The following QTMAN variants were observed in gnomAD, a reference collection of about 807,000 sequenced individuals.
QTMAN encodes queuosine-tRNA mannosyltransferase.
chr2:143,996,537 T>C, the QTMAN span, among the ~76,000 whole-genome samples: 5 of 152,130 alleles, frequency 3.3e-5, no homozygotes, highest in African/African-American at 1.2e-4. Flanking sequence ...AAACTGTTCT[T>C]GTTAAAATCA....
At chr2:144,237,440 T>C in the QTMAN span, 2 of 152,164 alleles carry the variant, frequency 1.3e-5, no homozygotes, top group African/African-American at 2.4e-5. Flanking sequence ...GATTGAATGA[T>C]AATGTTACGA....
the QTMAN span, among the ~76,000 whole-genome samples, chr2:143,992,714 A>AT: frequency 6.6e-6 from 1 of 152,172 alleles, no homozygotes; most frequent in African/African-American, 2.4e-5. Context: ...ACTAAAAGCA[A>AT]TTCTTAAGGA....
At chr2:144,199,778 G>A in the QTMAN span, among the ~76,000 whole-genome samples, 5 of 152,134 alleles carry the variant, frequency 3.3e-5, no homozygotes, top group African/African-American at 1.2e-4. Context: ...TGATCTTGAT[G>A]TTAATTCTTT....
chr2:144,022,275 C>T, the QTMAN span, among the ~76,000 whole-genome samples: 3 of 151,532 alleles, frequency 2.0e-5, no homozygotes, highest in African/African-American at 7.3e-5. Flanking sequence ...ATATCTCTTT[C>T]CTATTTTCTT....
chr2:144,298,974 G>A, the QTMAN span, among the ~76,000 whole-genome samples: 1 of 152,230 alleles, frequency 6.6e-6, no homozygotes, highest in Non-Finnish European at 1.5e-5. Context: ...TTACTGCTGG[G>A]ATCTTCTTGC....
chr2:144,292,648 C>CA, the QTMAN span, among the ~76,000 whole-genome samples: 4 of 151,908 alleles, frequency 2.6e-5, no homozygotes, highest in African/African-American at 9.7e-5. Flanking sequence ...AAATTTATCC[C>CA]AAAAAATTTA....
At chr2:144,152,923 T>C in the QTMAN span, among the ~76,000 whole-genome samples, 2 of 152,160 alleles carry the variant, frequency 1.3e-5, no homozygotes, top group African/African-American at 4.8e-5. Context: ...TGATTACGAA[T>C]GAAGGCAGAG....
chr2:144,274,684 A>G, the QTMAN span, among the ~76,000 whole-genome samples: 17 of 152,316 alleles, frequency 1.1e-4, no homozygotes, highest in South Asian at 2.5e-3. Context: ...GACTTGTCCT[A>G]TGCATCTCTT....
At chr2:144,219,427 G>A in the QTMAN span, among the ~76,000 whole-genome samples, 4 of 151,998 alleles carry the variant, frequency 2.6e-5, no homozygotes, top group East Asian at 1.9e-4. Flanking sequence ...CACTGTGCCC[G>A]GCCTACAGTA....
At chr2:143,948,311 T>C in the QTMAN span, among the ~76,000 whole-genome samples, 1 of 152,104 alleles carries the variant, frequency 6.6e-6, no homozygotes, top group Non-Finnish European at 1.5e-5. Context: ...TTCCAAATAA[T>C]AGAAGATTAT....
chr2:144,302,142 G>A, the QTMAN span, among the ~76,000 whole-genome samples: 1 of 151,852 alleles, frequency 6.6e-6, no homozygotes, highest in African/African-American at 2.4e-5. Flanking sequence ...TCCACACTTA[G>A]GGCATACAGA....
At chr2:144,151,307 C>T in the QTMAN span, among the ~76,000 whole-genome samples, 1 of 152,056 alleles carries the variant, frequency 6.6e-6, no homozygotes. Context: ...ATATCTCCAA[C>T]TAGGGCATGA....
chr2:143,969,854 G>GTC, the QTMAN span, among the ~76,000 whole-genome samples: 1 of 152,160 alleles, frequency 6.6e-6, no homozygotes, highest in East Asian at 1.9e-4. Flanking sequence ...TCTTGACACT[G>GTC]TACTAGAATC....
At chr2:144,189,890 G>A in the QTMAN span, among the ~76,000 whole-genome samples, 4 of 152,078 alleles carry the variant, frequency 2.6e-5, no homozygotes, top group Admixed American at 1.3e-4. Flanking sequence ...CCAAAGTGCT[G>A]GGATTACAGG....
At chr2:144,090,252 TA>T in the QTMAN span, among the ~76,000 whole-genome samples, 1 of 152,066 alleles carries the variant, frequency 6.6e-6, no homozygotes, top group Non-Finnish European at 1.5e-5. Context: ...ATCTAAGCCC[TA>T]ATGTCATGCT....
the QTMAN span, among the ~76,000 whole-genome samples, chr2:144,311,326 A>C: frequency 7.9e-5 from 12 of 152,208 alleles, no homozygotes; most frequent in Non-Finnish European, 1.6e-4. Flanking sequence ...TACTGTTTTA[A>C]ATCAGGGAAA....
At chr2:144,293,717 T>G in the QTMAN span, among the ~76,000 whole-genome samples, 1 of 152,244 alleles carries the variant, frequency 6.6e-6, no homozygotes, top group Non-Finnish European at 1.5e-5. Context: ...TTATCTCATA[T>G]TTTAAAATAC....
chr2:144,311,565 A>C, the QTMAN span, among the ~76,000 whole-genome samples: 1 of 152,260 alleles, frequency 6.6e-6, no homozygotes, highest in Non-Finnish European at 1.5e-5. Flanking sequence ...TTATTTAAAA[A>C]GTAAAATTAT....
chr2:144,302,843 G>A, the QTMAN span, among the ~76,000 whole-genome samples: 1 of 152,196 alleles, frequency 6.6e-6, no homozygotes, highest in African/African-American at 2.4e-5. Flanking sequence ...GCTCAGGCCT[G>A]TAATCCTAGC....
Sources: allele counts gnomAD v4.1 joint callset (sites outside exome capture counted in the v4.1 genomes callset), GRCh38; gene constraint gnomAD v4.1.1; transcripts MANE v1.5; gene names NCBI Gene and HGNC (gene_info 2026-07-23, HGNC 2026-07-21).